MYO16: variants seen among roughly 807,000 people sequenced by gnomAD.
MYO16 encodes unconventional myosin-XVI.
In MYO16, 94 loss-of-function variants were observed where a neutral mutation model predicts 205.3. The observed-to-expected ratio is 0.46, with a 90% CI of 0.39 to 0.54. MYO16 has a LOEUF of 0.54. Among genes scored for constraint, MYO16 ranks in the 20% least tolerant of loss-of-function variants. The pLI is 0.00. For missense variants in MYO16, 2,315 were observed against 2,387.5 expected (o/e 0.97, Z 0.63); for synonymous variants, 988 against 954.0 (o/e 1.04, Z -0.66).
At chr13:108,627,462 C>T (rs1335131095), upstream of MYO16, among the ~76,000 whole-genome samples, 1 of 152,144 alleles carries the variant, frequency 6.6e-6, no homozygotes, top group African/African-American at 2.4e-5. Flanking sequence ...TAGCACACAA[C>T]ACTGTGCTAT....
At chr13:108,575,939 G>A in the MYO16 span, among the ~76,000 whole-genome samples, 4 of 152,056 alleles carry the variant, frequency 2.6e-5, no homozygotes, top group Middle Eastern at 3.4e-3. Flanking sequence ...TTCAAGTCTC[G>A]GCAACTGAGG....
intron 7 of MYO16, among the ~76,000 whole-genome samples, chr13:108,819,565 G>A (rs1875850912): frequency 6.6e-6 from 1 of 151,936 alleles, no homozygotes; most frequent in African/African-American, 2.4e-5. Flanking sequence ...TAAAAAAAAT[G>A]TTGAGTACAT....
chr13:109,085,785 G>A (rs1888421309), intron 27 of MYO16, among the ~76,000 whole-genome samples: 1 of 152,184 alleles, frequency 6.6e-6, no homozygotes, highest in African/African-American at 2.4e-5. Context: ...CGATGTGTAA[G>A]GCAGGTAACA....
At chr13:108,945,883 G>A (rs1882920058) in intron 16 of MYO16, among the ~76,000 whole-genome samples, 1 of 152,056 alleles carries the variant, frequency 6.6e-6, no homozygotes, top group East Asian at 1.9e-4. Flanking sequence ...CAATTTTAAT[G>A]AATCTTTAAA....
In MYO16 at chr13:109,141,365, G is replaced by T. The variant is rs545336923; in HGVS notation, c.5153G>T (p.Arg1718Met). The T allele has an allele frequency of 1.4e-4, 209 of 1,532,608 alleles. No individual in the cohort carries two copies. In the South Asian group the frequency reaches 2.4e-3, roughly 18 times the overall value. 94.9% of individuals were successfully genotyped at this position (1,532,608 alleles called of 1,614,324 possible). The change falls in exon 32 of 35, where the codon AGG becomes ATG. Residue 1718 changes from arginine (R) to methionine (M), a missense_variant. Physicochemically the swap from Arg to Met is moderately conservative, Grantham distance 91 (BLOSUM62 -1). Around this residue, in one of 3 missense-constraint regions of MYO16, gnomAD observed 1,097 missense variants for 1,092.0 expected, o/e 1.00. Coordinates refer to ENST00000457511, the MANE Select transcript of MYO16 (RefSeq NM_001198950.3). This position sits in a 1 kb window ranked among gnomAD's most constrained non-coding sequence, Gnocchi z 4.1. ...LRKSAAGRKIREAEGFETNMN... is the reference protein window; with the variant it reads ...LRKSAAGRKIMEAEGFETNMN... ...AAATCCGCGGCGGGAAGAAAAATCA[G>T]GGAAGCAGAAGGTAAGCGGAGCAGA...
the MYO16 span, among the ~76,000 whole-genome samples, chr13:108,522,072 T>A: frequency 2.0e-5 from 3 of 152,188 alleles, no homozygotes; most frequent in African/African-American, 7.2e-5. Context: ...GAAAACAAAT[T>A]GAAGGTCAGG....
chr13:108,667,876 T>C (rs1354567075), intron 2 of MYO16, among the ~76,000 whole-genome samples: 1 of 151,904 alleles, frequency 6.6e-6, no homozygotes, highest in Non-Finnish European at 1.5e-5. Context: ...CAAGACCCCA[T>C]CTCTACAAAA....
chr13:108,545,219 G>A, the MYO16 span, among the ~76,000 whole-genome samples: 1 of 152,002 alleles, frequency 6.6e-6, no homozygotes, highest in Non-Finnish European at 1.5e-5. Flanking sequence ...ATATGTACTG[G>A]ATGTTTAGCT....
the MYO16 span, among the ~76,000 whole-genome samples, chr13:108,539,030 C>T: frequency 4.6e-5 from 7 of 152,056 alleles, no homozygotes; most frequent in Admixed American, 3.3e-4. Context: ...TTACCTGGTG[C>T]TTTTCCCTGT....
chr13:108,727,387 A>C, intron 3 of MYO16, 53 bp from the exon 4 acceptor site: 1 of 1,558,222 alleles, frequency 6.4e-7, no homozygotes, highest in Non-Finnish European at 8.8e-7. Flanking sequence ...ATTTGGAATA[A>C]GCCATATCAC....
chr13:108,864,889 C>T (rs2139122408), intron 11 of MYO16, among the ~76,000 whole-genome samples: 1 of 152,216 alleles, frequency 6.6e-6, no homozygotes, highest in African/African-American at 2.4e-5. Flanking sequence ...CAGTGCAGCA[C>T]ATTAACATAT....
chr13:108,622,583 A>G (rs559432171), intron 1 of MYO16, among the ~76,000 whole-genome samples: 1 of 147,600 alleles, frequency 6.8e-6, no homozygotes, highest in Non-Finnish European at 1.5e-5. Context: ...CCAGTTATTT[A>G]TGGGAGTGTG....
chr13:108,993,887 A>G (rs1004946982), intron 21 of MYO16, among the ~76,000 whole-genome samples: 2 of 152,226 alleles, frequency 1.3e-5, no homozygotes, highest in East Asian at 1.9e-4. Flanking sequence ...GCAAGCTTTC[A>G]TGTCTGCAAT....
At chr13:108,652,684 TAAA>T (rs1321778470) in intron 1 of MYO16, among the ~76,000 whole-genome samples, 3 of 152,210 alleles carry the variant, frequency 2.0e-5, no homozygotes, top group Non-Finnish European at 4.4e-5. Context: ...TTATTTCACT[TAAA>T]AAGTGTCTTC....
intron 7 of MYO16, among the ~76,000 whole-genome samples, chr13:108,808,221 G>A (rs1356294545): frequency 6.6e-6 from 1 of 151,450 alleles, no homozygotes; most frequent in East Asian, 1.9e-4. Flanking sequence ...AATTTCAGAG[G>A]TTGAGTCCTC....
intron 27 of MYO16, among the ~76,000 whole-genome samples, chr13:109,096,733 TG>T (rs199782973): frequency 5.2e-4 from 4 of 7,626 alleles, no homozygotes; most frequent in Admixed American, 2.3e-3. Context: ...TGTACAAAGA[TG>T]TCCCCTTACT....
At chr13:109,117,254 A>C (rs1046114379) in intron 28 of MYO16, among the ~76,000 whole-genome samples, 5 of 151,688 alleles carry the variant, frequency 3.3e-5, no homozygotes, top group Admixed American at 2.0e-4. Context: ...ACAATTCTTT[A>C]TCTTCTGTTC....
intron 2 of MYO16, among the ~76,000 whole-genome samples, chr13:108,689,813 C>T (rs1449844309): frequency 3.3e-5 from 5 of 152,074 alleles, no homozygotes; most frequent in Non-Finnish European, 7.4e-5. Flanking sequence ...CTAGTTGTTT[C>T]ATTTCCAGCA....
intron 16 of MYO16, among the ~76,000 whole-genome samples, chr13:108,954,022 T>A (rs2139347540): frequency 6.6e-6 from 1 of 152,354 alleles, no homozygotes; most frequent in East Asian, 1.9e-4. Flanking sequence ...AACAGACCTG[T>A]CTGCAACTAC....
Sources: gnomAD v4.1 joint callset for allele counts (sites outside exome capture counted in the v4.1 genomes callset) on GRCh38, gnomAD v4.1.1 for gene constraint, gnomAD v4.1.1 regional missense constraint, Gnocchi (gnomAD v3.1) non-coding constraint, MANE v1.5 for transcripts, NCBI Gene and HGNC (gene_info 2026-07-23, HGNC 2026-07-21) for gene names.